The following PRKG1 variants were observed in gnomAD, a reference collection of about 807,000 sequenced individuals.
PRKG1 encodes the protein cGMP-dependent protein kinase 1.
A neutral mutation model predicts 88.1 loss-of-function variants in PRKG1; 35 were observed. That is an observed-to-expected ratio of 0.40 (90% CI 0.30 to 0.53). PRKG1 has a LOEUF of 0.53. Ranked by LOEUF, PRKG1 falls within the 20% of genes least tolerant of loss-of-function variation. PRKG1 has a pLI of 0.59. For missense variants in PRKG1, 540 were observed against 839.8 expected (o/e 0.64, Z 4.41); for synonymous variants, 303 against 292.5 (o/e 1.04, Z -0.37).
At chr10:51,598,981 A>G (rs1228659710) in intron 3 of PRKG1, among the ~76,000 whole-genome samples, 2 of 152,220 alleles carry the variant, frequency 1.3e-5, no homozygotes, top group African/African-American at 4.8e-5. Context: ...TCTAGAAGAC[A>G]AACAACACCA....
chr10:51,043,702 C>CT (rs1353056746), intron 1 of PRKG1, among the ~76,000 whole-genome samples: 2 of 151,876 alleles, frequency 1.3e-5, no homozygotes, highest in Non-Finnish European at 2.9e-5. Flanking sequence ...TATCTGTTTG[C>CT]TTTTTTTTCT....
At chr10:51,574,835 A>G (rs1837844099) in intron 3 of PRKG1, among the ~76,000 whole-genome samples, 4 of 151,920 alleles carry the variant, frequency 2.6e-5, no homozygotes, top group Admixed American at 2.6e-4. Flanking sequence ...CCTGGGGGGA[A>G]CTAGGTTGAG....
At chr10:52,146,019 AATCATGATTTGCCTTT>A (rs1157386146) in intron 8 of PRKG1, among the ~76,000 whole-genome samples, 2 of 149,294 alleles carry the variant, frequency 1.3e-5, no homozygotes, top group East Asian at 3.9e-4. Context: ...AGCAAAGGCA[AATCATGATTTGCCTTT>A]AATAGGCAAG....
At chr10:51,926,532 C>G (rs1228738325) in intron 5 of PRKG1, among the ~76,000 whole-genome samples, 14 of 152,200 alleles carry the variant, frequency 9.2e-5, no homozygotes, top group Admixed American at 2.6e-4. Flanking sequence ...TAAAACAAAG[C>G]TGTCATGGAT....
intron 2 of PRKG1, among the ~76,000 whole-genome samples, chr10:51,342,916 AG>A (rs1842033281): frequency 6.6e-6 from 1 of 152,210 alleles, no homozygotes; most frequent in African/African-American, 2.4e-5. Flanking sequence ...AAAAGTTAGG[AG>A]GGGTTCATCC....
At chr10:52,243,519 A>G (rs1035207265) in intron 9 of PRKG1, among the ~76,000 whole-genome samples, 3 of 152,192 alleles carry the variant, frequency 2.0e-5, no homozygotes, top group Admixed American at 1.3e-4. Flanking sequence ...ATTTTGAGAT[A>G]AAAACATCTT....
intron 3 of PRKG1, among the ~76,000 whole-genome samples, chr10:51,478,719 A>G (rs921625409): frequency 2.7e-5 from 4 of 147,956 alleles, no homozygotes; most frequent in East Asian, 2.0e-4. Context: ...AAGCTTAAGC[A>G]TAACATGAAG....
intron 3 of PRKG1, among the ~76,000 whole-genome samples, chr10:51,750,911 A>G (rs1481108070): frequency 1.3e-5 from 2 of 152,234 alleles, no homozygotes; most frequent in African/African-American, 4.8e-5. Context: ...GTTCAAAGAA[A>G]ATTTCAAAGA....
intron 3 of PRKG1, among the ~76,000 whole-genome samples, chr10:51,753,566 G>T (rs545615853): frequency 2.6e-5 from 4 of 152,140 alleles, no homozygotes; most frequent in Admixed American, 6.6e-5. Context: ...TCATTAAATT[G>T]ATAGGCATGT....
At chr10:51,478,841 A>C (rs530454012) in intron 3 of PRKG1, among the ~76,000 whole-genome samples, 1 of 152,206 alleles carries the variant, frequency 6.6e-6, no homozygotes, top group South Asian at 2.1e-4. Context: ...AAATTATTAA[A>C]ATATCAAAAG....
chr10:51,869,130 A>G (rs1193292657), intron 4 of PRKG1, among the ~76,000 whole-genome samples: 1 of 152,198 alleles, frequency 6.6e-6, no homozygotes, highest in Non-Finnish European at 1.5e-5. Flanking sequence ...TTTAGTGTAA[A>G]CATTTTGATA....
chr10:51,451,291 T>TA lies in PRKG1; in HGVS notation c.479-16432_479-16431insA, dbSNP rs1554810523. 6.9e-3 allele frequency among the ~76,000 whole-genome samples: 1,044 copies of TA among 151,396 alleles called. 13 individuals carry two copies. Among genetic ancestry groups the TA allele is most frequent in the African/African-American group, 0.024 (985 of 41,370 alleles). On this transcript the variant is annotated intron_variant, in intron 2 of 17. Coordinates refer to ENST00000373980, the MANE Select transcript of PRKG1 (RefSeq NM_006258.4). The stretch of plus-strand genomic sequence containing the variant: ...TCATACAGTAAGTAAACTTTTTTTT[T>TA]TTGGTGACAATGTCCATAATACTCT...
intron 2 of PRKG1, among the ~76,000 whole-genome samples, chr10:51,304,529 A>T (rs892901266): frequency 1.3e-5 from 2 of 151,576 alleles, no homozygotes; most frequent in African/African-American, 4.8e-5. Context: ...CATGTGCACA[A>T]TGTGCAGGTT....
intron 9 of PRKG1, among the ~76,000 whole-genome samples, chr10:52,207,184 C>A (rs1444675615): frequency 6.6e-6 from 1 of 152,192 alleles, no homozygotes; most frequent in Non-Finnish European, 1.5e-5. Flanking sequence ...CTTGCACTTG[C>A]ATGCCCTGGA....
At chr10:51,074,358 C>A (rs1448495832), upstream of PRKG1, 4 of 1,132,488 alleles carry the variant, frequency 3.5e-6, no homozygotes, top group Non-Finnish European at 4.8e-6. Flanking sequence ...GGTTTGCTCT[C>A]CCCGCTCTGA....
At chr10:51,968,295 C>G (rs376251201) in intron 5 of PRKG1, among the ~76,000 whole-genome samples, 2 of 151,946 alleles carry the variant, frequency 1.3e-5, no homozygotes, top group African/African-American at 2.4e-5. Flanking sequence ...CTTTGGCAAG[C>G]CAGATAAACT....
intron 5 of PRKG1, among the ~76,000 whole-genome samples, chr10:51,952,434 G>T (rs1025363616): frequency 9.9e-5 from 15 of 152,058 alleles, no homozygotes; most frequent in African/African-American, 3.4e-4. Context: ...GGGACTTTAG[G>T]CTCTTTTGGA....
intron 3 of PRKG1, among the ~76,000 whole-genome samples, chr10:51,628,677 T>C (rs1371498553): frequency 1.3e-5 from 2 of 152,086 alleles, no homozygotes; most frequent in African/African-American, 4.8e-5. Context: ...AACTGCAAGT[T>C]GGCCGGGCGC....
intron 5 of PRKG1, among the ~76,000 whole-genome samples, chr10:51,986,268 T>G (rs545578075): frequency 2.6e-5 from 4 of 152,328 alleles, no homozygotes; most frequent in Admixed American, 2.6e-4. Context: ...AAACTAGGAA[T>G]TAACCTCACC....
Sources: gnomAD v4.1 joint callset for allele counts (sites outside exome capture counted in the v4.1 genomes callset) on GRCh38, gnomAD v4.1.1 for gene constraint, MANE v1.5 for transcripts, NCBI Gene and HGNC (gene_info 2026-07-23, HGNC 2026-07-21) for gene names.